Variants in GABRB2 observed in about 807,000 individuals in gnomAD.
GABRB2 encodes gamma-aminobutyric acid type A receptor subunit beta2, also known as gamma-aminobutyric acid receptor subunit beta-2.
A neutral mutation model predicts 54.7 loss-of-function variants in GABRB2; 16 were observed. That is an observed-to-expected ratio of 0.29 (90% confidence interval 0.20 to 0.44). GABRB2 has a LOEUF of 0.44. Among genes scored for constraint, GABRB2 ranks in the 20% least tolerant of loss-of-function variants. The pLI is 1.00. For synonymous variants in GABRB2, 244 were observed against 233.8 expected (o/e 1.04, Z -0.40); for missense variants, 355 against 644.0 (o/e 0.55, Z 4.86).
At chr5:161,451,648 A>C (rs959887769) in intron 4 of GABRB2, among the ~76,000 whole-genome samples, 1 of 152,182 alleles carries the variant, frequency 6.6e-6, no homozygotes, top group African/African-American at 2.4e-5. Context: ...GCCATATCCT[A>C]TATTAGATCA....
intron 5 of GABRB2, among the ~76,000 whole-genome samples, chr5:161,382,482 T>C (rs1011318027): frequency 1.3e-5 from 2 of 152,104 alleles, no homozygotes; most frequent in Non-Finnish European, 2.9e-5. Flanking sequence ...CATAAGCGAA[T>C]GATACCATAT....
chr5:161,544,729 G>A (rs984070159), intron 3 of GABRB2, among the ~76,000 whole-genome samples: 11 of 152,142 alleles, frequency 7.2e-5, no homozygotes, highest in African/African-American at 2.4e-4. Flanking sequence ...AATGGAGTTG[G>A]GGCAGGAATG....
intron 6 of GABRB2, among the ~76,000 whole-genome samples, chr5:161,335,483 A>G (rs1214524263): frequency 6.6e-6 from 1 of 152,114 alleles, no homozygotes; most frequent in Non-Finnish European, 1.5e-5. Context: ...TTTGAGCAAT[A>G]TTTGTGGGAG....
intron 5 of GABRB2, among the ~76,000 whole-genome samples, chr5:161,397,725 C>A (rs1248502013): frequency 1.3e-5 from 2 of 152,128 alleles, no homozygotes; most frequent in Non-Finnish European, 2.9e-5. Context: ...AGTTTAACAC[C>A]TTAACGACCA....
At chr5:161,464,960 T>C (rs1373950089) in intron 3 of GABRB2, among the ~76,000 whole-genome samples, 2 of 152,050 alleles carry the variant, frequency 1.3e-5, no homozygotes, top group Admixed American at 6.6e-5. Flanking sequence ...TTCTGCTTCT[T>C]AATAGCAGTG....
chr5:161,537,960 T>G (rs1236439512), intron 3 of GABRB2, among the ~76,000 whole-genome samples: 1 of 151,826 alleles, frequency 6.6e-6, no homozygotes, highest in Non-Finnish European at 1.5e-5. Flanking sequence ...GGAACATCTA[T>G]CCACACACTT....
At chr5:161,303,716 C>T (rs1244378873) in intron 9 of GABRB2, among the ~76,000 whole-genome samples, 3 of 152,110 alleles carry the variant, frequency 2.0e-5, no homozygotes, top group Non-Finnish European at 4.4e-5. Context: ...AACTGACACC[C>T]CTTTGCCTTA....
At chr5:161,400,220 C>T (rs959290315) in intron 5 of GABRB2, among the ~76,000 whole-genome samples, 7 of 152,094 alleles carry the variant, frequency 4.6e-5, no homozygotes, top group African/African-American at 7.2e-5. Context: ...GGTGTATTTA[C>T]GCCTCTGGCT....
rs1757214728 is a variant in GABRB2 at position 161,290,702 on chromosome 5, T to C, written c.*3379A>G. 1 of 152,598 alleles carries C rather than the reference T, an allele frequency of 6.6e-6. No homozygotes were observed. Among genetic ancestry groups the C allele is most frequent in the South Asian group, 2.1e-4 (1 of 4,834 alleles). The allele number at this position is 152,598 out of a possible 1,614,324, so 9.5% of individuals were successfully genotyped here. A position where few individuals can be genotyped will look rare whatever the true frequency, so the allele number is the denominator to read the frequency against. ...AAGACCTATTTTGATGATGTTGCTT[T>C]GCCATTTTTCTTGTTGAGTATGAAG... On this transcript the variant is annotated 3_prime_UTR_variant, in exon 10 of 10. Transcript: ENST00000393959.
intron 3 of GABRB2, among the ~76,000 whole-genome samples, chr5:161,479,042 C>T (rs542761868): frequency 2.6e-4 from 39 of 151,954 alleles, no homozygotes; most frequent in African/African-American, 9.4e-4. Context: ...AGAGGAAGAC[C>T]AATTTGCAGA....
intron 3 of GABRB2, among the ~76,000 whole-genome samples, chr5:161,476,384 G>A (rs1758591709): frequency 6.6e-6 from 1 of 151,778 alleles, no homozygotes; most frequent in East Asian, 1.9e-4. Context: ...CAGTTTTAAT[G>A]CAATTCTTAT....
chr5:161,507,380 T>C (rs547978951), intron 3 of GABRB2, among the ~76,000 whole-genome samples: 1 of 152,232 alleles, frequency 6.6e-6, no homozygotes, highest in East Asian at 1.9e-4. Flanking sequence ...AACATGGTTA[T>C]ATAAGATGTT....
chr5:161,310,658 C>T (rs965496122), intron 9 of GABRB2, among the ~76,000 whole-genome samples: 32 of 144,276 alleles, frequency 2.2e-4, no homozygotes, highest in Non-Finnish European at 1.8e-4. Flanking sequence ...CACACACATG[C>T]ACACGCACGC....
chr5:161,455,276 C>T (rs1383845160), intron 4 of GABRB2, among the ~76,000 whole-genome samples: 1 of 152,078 alleles, frequency 6.6e-6, no homozygotes, highest in Non-Finnish European at 1.5e-5. Flanking sequence ...TTTGAGCACC[C>T]CTCTCCGGAT....
chr5:161,428,518 A>G (rs982933933), intron 4 of GABRB2, among the ~76,000 whole-genome samples: 4 of 152,132 alleles, frequency 2.6e-5, no homozygotes, highest in African/African-American at 7.2e-5. Flanking sequence ...CAGGGAGTTA[A>G]GGCAAGTATA....
At chr5:161,305,618 C>A (rs534781165) in intron 9 of GABRB2, among the ~76,000 whole-genome samples, 2 of 152,206 alleles carry the variant, frequency 1.3e-5, no homozygotes, top group South Asian at 2.1e-4. Context: ...CTGATCTAAT[C>A]TTTTCATTAG....
At chr5:161,434,682 A>C (rs1757261584) in intron 4 of GABRB2, among the ~76,000 whole-genome samples, 1 of 152,032 alleles carries the variant, frequency 6.6e-6, no homozygotes, top group African/African-American at 2.4e-5. Flanking sequence ...CCCCCTCCCC[A>C]TCACCTCGTA....
At chr5:161,424,638 G>A (rs1242752386) in intron 4 of GABRB2, among the ~76,000 whole-genome samples, 2 of 152,084 alleles carry the variant, frequency 1.3e-5, no homozygotes, top group Admixed American at 6.6e-5. Flanking sequence ...TCACCCAAGA[G>A]CTCTTATGGA....
chr5:161,351,147 C>T (rs1177458333), intron 5 of GABRB2, among the ~76,000 whole-genome samples: 1 of 152,094 alleles, frequency 6.6e-6, no homozygotes, highest in Admixed American at 6.6e-5. Context: ...ACATTAAATG[C>T]ACTCCTTATC....
Sources: allele counts gnomAD v4.1 joint callset (sites outside exome capture counted in the v4.1 genomes callset), GRCh38; gene constraint gnomAD v4.1.1; transcripts MANE v1.5; gene names NCBI Gene and HGNC (gene_info 2026-07-23, HGNC 2026-07-21).